Variants in NLRP5 observed in about 807,000 individuals in gnomAD.
NLRP5 encodes NACHT, LRR and PYD domains-containing protein 5.
NLRP5 carries 93 observed loss-of-function variants against 113.1 expected under a neutral mutation model. That is an observed-to-expected ratio of 0.82 (90% CI 0.70 to 0.98). NLRP5 has a LOEUF of 0.98. Ranked by LOEUF, NLRP5 falls within the 50% of genes least tolerant of loss-of-function variation. The pLI is 0.00. For missense variants in NLRP5, 1,808 were observed against 1,514.3 expected (o/e 1.19, Z -3.22); for synonymous variants, 751 against 600.7 (o/e 1.25, Z -3.66).
intron 7 of NLRP5, among the ~76,000 whole-genome samples, chr19:56,029,786 G>A (rs1983021108): frequency 6.6e-6 from 1 of 151,806 alleles, no homozygotes; most frequent in South Asian, 2.1e-4. Flanking sequence ...GCTGGGTGCA[G>A]TGGATCATGC....
At chr19:56,026,587 A>G (rs185836373) in intron 6 of NLRP5, among the ~76,000 whole-genome samples, 98 of 137,186 alleles carry the variant, frequency 7.1e-4, no homozygotes, top group African/African-American at 2.4e-3. Context: ...ATTTATTTTT[A>G]TTTTTATTTT....
chr19:56,017,896 C>T (rs564500650), intron 4 of NLRP5, among the ~76,000 whole-genome samples: 2 of 152,324 alleles, frequency 1.3e-5, no homozygotes, highest in African/African-American at 4.8e-5. Flanking sequence ...TCACTGCAAC[C>T]TCCACGTCCC....
intron 11 of NLRP5, among the ~76,000 whole-genome samples, chr19:56,043,312 T>C (rs1447897276): frequency 6.6e-6 from 1 of 152,160 alleles, no homozygotes; most frequent in Non-Finnish European, 1.5e-5. Flanking sequence ...GCAAGGGCGA[T>C]GTGGTATCAC....
chr19:56,035,106 T>C (rs748722084), intron 9 of NLRP5, among the ~76,000 whole-genome samples: 5 of 152,078 alleles, frequency 3.3e-5, no homozygotes, highest in African/African-American at 4.8e-5. Flanking sequence ...GCCTGGCTAA[T>C]TCTTGTATTT....
At position 56,050,276 on chromosome 19, in the gene NLRP5, C is replaced by CAAA. The variant is rs5828668; in HGVS notation, c.2958-132_2958-130dup. On this transcript the variant is annotated intron_variant, in intron 11 of 14. Transcript: ENST00000390649. ...GCCTGGGTGACAGAGCAAGACTCCTCAAAAAAAAAAAAGAAAAAAAAACAA... is the reference window on the plus strand; with the variant it reads ...GCCTGGGTGACAGAGCAAGACTCCTCAAAAAAAAAAAAAAAGAAAAAAAAACAA... 1.8e-3 allele frequency: 963 copies of CAAA among 538,008 alleles called. 2 individuals are homozygous for CAAA. The highest frequency in any genetic ancestry group is 3.3e-3 in the Middle Eastern group (6 of 1,792). 33.3% of individuals were successfully genotyped at this position (538,008 alleles called of 1,614,324 possible).
chr19:56,022,346 A>T (rs760335612), intron 6 of NLRP5, among the ~76,000 whole-genome samples: 5 of 152,090 alleles, frequency 3.3e-5, no homozygotes, highest in South Asian at 2.1e-4. Flanking sequence ...CAGCCTCCTA[A>T]GTAGCTGGAA....
At chr19:56,033,133 C>A (rs746295951) in intron 8 of NLRP5, among the ~76,000 whole-genome samples, 65 of 152,132 alleles carry the variant, frequency 4.3e-4, no homozygotes, top group Non-Finnish European at 1.2e-4. Flanking sequence ...TGCCTGTAAT[C>A]CCAGCTACTT....
At chr19:56,048,975 TTTAA>T (rs1983825489) in intron 11 of NLRP5, among the ~76,000 whole-genome samples, 1 of 70,480 alleles carries the variant, frequency 1.4e-5, no homozygotes, top group African/African-American at 4.7e-5. Flanking sequence ...GATTTTTTTT[TTTAA>T]TTTTTTTTTT....
At chr19:56,018,344 T>A (rs1982486991) in intron 4 of NLRP5, among the ~76,000 whole-genome samples, 1 of 152,360 alleles carries the variant, frequency 6.6e-6, no homozygotes, top group South Asian at 2.1e-4. Context: ...AATTTGTATT[T>A]AGCCTCACAT....
chr19:56,047,649 G>A (rs1288842330), intron 11 of NLRP5, among the ~76,000 whole-genome samples: 1 of 152,046 alleles, frequency 6.6e-6, no homozygotes, highest in East Asian at 1.9e-4. Flanking sequence ...GGCCTGTTAT[G>A]GTCTATCTTG....
At chr19:56,023,654 A>T (rs372277208) in intron 6 of NLRP5, among the ~76,000 whole-genome samples, 2 of 152,170 alleles carry the variant, frequency 1.3e-5, no homozygotes, top group African/African-American at 4.8e-5. Context: ...ATCGTGTTAG[A>T]TATTATAAGC....
At chr19:55,997,111 T>C (rs538948237), upstream of NLRP5, among the ~76,000 whole-genome samples, 25 of 152,374 alleles carry the variant, frequency 1.6e-4, no homozygotes, top group African/African-American at 6.0e-4. Flanking sequence ...TTTTCTTGTA[T>C]CTGTTGGCTA....
chr19:56,005,521 TACACAC>T (rs144176069), intron 2 of NLRP5, among the ~76,000 whole-genome samples: 49 of 142,674 alleles, frequency 3.4e-4, no homozygotes, highest in Non-Finnish European at 6.4e-4. Flanking sequence ...TATATATTTA[TACACAC>T]ACACGCACAC....
intron 9 of NLRP5, among the ~76,000 whole-genome samples, chr19:56,036,775 G>A (rs1398382746): frequency 6.6e-6 from 1 of 152,060 alleles, no homozygotes; most frequent in African/African-American, 2.4e-5. Context: ...TGGCCAACAT[G>A]GTGAAACCCC....
chr19:56,009,855 C>T (rs1047203687), intron 3 of NLRP5, among the ~76,000 whole-genome samples: 6 of 152,060 alleles, frequency 3.9e-5, no homozygotes, highest in African/African-American at 1.4e-4. Flanking sequence ...AAGAGCTCTT[C>T]AAAGCTAACA....
At chr19:55,988,305 G>C in the NLRP5 span, 1 of 161,378 alleles carries the variant, frequency 6.2e-6, no homozygotes, top group Admixed American at 6.1e-5. Context: ...TGAGGCAGGA[G>C]AATCACTTGA....
chr19:56,047,749 CA>C (rs1983781158), intron 11 of NLRP5, among the ~76,000 whole-genome samples: 2 of 152,080 alleles, frequency 1.3e-5, no homozygotes, highest in South Asian at 4.1e-4. Flanking sequence ...CCATTTGTTC[CA>C]AAGTATAGTT....
At chr19:56,007,896 CGCGCGT>C (rs1981994188) in intron 2 of NLRP5, among the ~76,000 whole-genome samples, 1 of 97,842 alleles carries the variant, frequency 1.0e-5, no homozygotes, top group African/African-American at 3.6e-5. Flanking sequence ...TGTGCGCGTG[CGCGCGT>C]GCGTGTGTGT....
intron 11 of NLRP5, among the ~76,000 whole-genome samples, chr19:56,046,424 TTC>T (rs1343428195): frequency 2.8e-5 from 2 of 72,632 alleles, no homozygotes; most frequent in Non-Finnish European, 6.8e-5. Flanking sequence ...GTGTGTGTGT[TTC>T]TGTTACGTCC....
Sources: allele counts gnomAD v4.1 joint callset (sites outside exome capture counted in the v4.1 genomes callset), GRCh38; gene constraint gnomAD v4.1.1; transcripts MANE v1.5; gene names NCBI Gene and HGNC (gene_info 2026-07-23, HGNC 2026-07-21).